Variants in TMEM132C observed in about 807,000 individuals in gnomAD.
TMEM132C encodes the protein transmembrane protein 132C, also known as protein phosphatase 1, regulatory subunit 152.
TMEM132C carries 29 observed loss-of-function variants against 61.4 expected under a neutral mutation model. The observed-to-expected ratio is 0.47, with a 90% CI of 0.35 to 0.64. The LOEUF is 0.64. TMEM132C is among the 30% of genes least tolerant of loss of function. TMEM132C has a pLI of 0.00. For missense variants in TMEM132C, 1,408 were observed against 1,476.9 expected, an observed-to-expected ratio of 0.95 and a Z score of 0.76; for synonymous variants, 656 against 633.1, an observed-to-expected ratio of 1.04 and a Z score of -0.54.
chr12:128,332,951 G>A (rs1354582819), intron 1 of TMEM132C, among the ~76,000 whole-genome samples: 2 of 152,224 alleles, frequency 1.3e-5, no homozygotes, highest in Non-Finnish European at 1.5e-5. Flanking sequence ...GAATTTTGGA[G>A]TCCAGGGCTA....
In TMEM132C at chr12:128,459,254, A is replaced by G. The variant is rs1221265894; in HGVS notation, c.974+43634A>G. ...ATTGAGAGCCCTGGATCACACAGTT[A>G]GTAAGGATCTAAGTTCCATGAATGT... On this transcript the variant is annotated intron_variant, in intron 2 of 8. Coordinates refer to ENST00000435159, the MANE Select transcript of TMEM132C (RefSeq NM_001136103.3). Among the ~76,000 whole-genome samples, 3 of 152,324 alleles carry G rather than the reference A, an allele frequency of 2.0e-5. No individual in the cohort carries two copies. In the South Asian group the frequency reaches 6.2e-4, roughly 32 times the overall value.
At chr12:128,354,075 C>T (rs1440562611) in intron 1 of TMEM132C, among the ~76,000 whole-genome samples, 2 of 152,142 alleles carry the variant, frequency 1.3e-5, no homozygotes, top group Non-Finnish European at 2.9e-5. Flanking sequence ...AGTCTCTTCA[C>T]CTCCAGGTTA....
chr12:128,272,233 T>TC (rs1174014065), intron 1 of TMEM132C, among the ~76,000 whole-genome samples: 2 of 152,166 alleles, frequency 1.3e-5, no homozygotes, highest in African/African-American at 2.4e-5. Context: ...TAGTTATTTG[T>TC]CTCTAGAGTT....
At chr12:128,305,609 A>G (rs1392654741) in intron 1 of TMEM132C, among the ~76,000 whole-genome samples, 2 of 151,608 alleles carry the variant, frequency 1.3e-5, no homozygotes, top group African/African-American at 2.4e-5. Flanking sequence ...AACAGTGGGC[A>G]TTAGATGACA....
chr12:128,704,592 G>T (rs774722115), intron 8 of TMEM132C, among the ~76,000 whole-genome samples: 1 of 152,190 alleles, frequency 6.6e-6, no homozygotes, highest in Non-Finnish European at 1.5e-5. Flanking sequence ...AAGAGGGGAG[G>T]TTCCTTTCTG....
At chr12:128,391,648 G>A (rs1330397272) in intron 1 of TMEM132C, among the ~76,000 whole-genome samples, 1 of 152,166 alleles carries the variant, frequency 6.6e-6, no homozygotes, top group Non-Finnish European at 1.5e-5. Context: ...ACCAGCCTTA[G>A]GAGGTAGGTA....
intron 1 of TMEM132C, among the ~76,000 whole-genome samples, chr12:128,303,950 A>G (rs1343292878): frequency 1.3e-5 from 2 of 152,124 alleles, no homozygotes; most frequent in Non-Finnish European, 2.9e-5. Flanking sequence ...AGGTCTTCCC[A>G]GTGAAGGCCA....
chr12:128,484,433 G>A (rs1255159555), intron 2 of TMEM132C, among the ~76,000 whole-genome samples: 1 of 152,108 alleles, frequency 6.6e-6, no homozygotes, highest in Non-Finnish European at 1.5e-5. Context: ...TCATAGGCAG[G>A]TACAATCTCT....
chr12:128,287,646 G>A (rs1369104672), intron 1 of TMEM132C, among the ~76,000 whole-genome samples: 1 of 152,104 alleles, frequency 6.6e-6, no homozygotes, highest in Non-Finnish European at 1.5e-5. Flanking sequence ...AATCACATTG[G>A]TCAAAGTAAA....
chr12:128,705,991 G>A lies in TMEM132C; in HGVS notation c.3023G>A (p.Ser1008Asn), dbSNP rs1954836956. 2.6e-6 allele frequency: 4 copies of A among 1,551,706 alleles called. No homozygotes were observed. The highest frequency in any genetic ancestry group is 3.5e-6 in the Non-Finnish European group (4 of 1,146,996). The change falls in exon 9 of 9, where the codon AGC becomes AAC. Residue 1008 changes from serine (S) to asparagine (N), a missense_variant. By Grantham distance (46) the Ser-to-Asn change is conservative. Transcript: ENST00000435159. ...IDRGPGACEESNHLLLNGGSH... is the reference protein window; with the variant it reads ...IDRGPGACEENNHLLLNGGSH... ...CGCGGACCGGGGGCCTGCGAGGAGA[G>A]CAACCATCTCCTGCTCAATGGTGGC...
At chr12:128,605,011 G>C (rs1400011953) in intron 3 of TMEM132C, among the ~76,000 whole-genome samples, 3 of 148,580 alleles carry the variant, frequency 2.0e-5, no homozygotes, top group Non-Finnish European at 4.4e-5. Context: ...TGGACACATA[G>C]ATAATAGATG....
intron 4 of TMEM132C, among the ~76,000 whole-genome samples, chr12:128,639,058 GTGATGATGATGATGGTGATATGA>G (rs1954128171): frequency 1.1e-5 from 1 of 91,304 alleles, no homozygotes; most frequent in Non-Finnish European, 2.5e-5. Context: ...AATGACAATG[GTGATGATGATGATGGTGATATGA>G]TGATGATGAT....
At chr12:128,472,736 C>T (rs1304473376) in intron 2 of TMEM132C, among the ~76,000 whole-genome samples, 3 of 152,170 alleles carry the variant, frequency 2.0e-5, no homozygotes, top group Admixed American at 6.5e-5. Flanking sequence ...GGGTCAGCTT[C>T]GGCCTGGATT....
At chr12:128,479,916 A>G (rs1476109189) in intron 2 of TMEM132C, among the ~76,000 whole-genome samples, 1 of 152,204 alleles carries the variant, frequency 6.6e-6, no homozygotes, top group Non-Finnish European at 1.5e-5. Flanking sequence ...CATAAAAATG[A>G]TTCCTTCAGT....
chr12:128,376,574 T>C (rs566598442), intron 1 of TMEM132C, among the ~76,000 whole-genome samples: 1 of 152,324 alleles, frequency 6.6e-6, no homozygotes, highest in South Asian at 2.1e-4. Context: ...GGTTTCAAGA[T>C]GTGGATGCCA....
At chr12:128,295,223 G>A (rs1367381644) in intron 1 of TMEM132C, among the ~76,000 whole-genome samples, 1 of 152,150 alleles carries the variant, frequency 6.6e-6, no homozygotes, top group African/African-American at 2.4e-5. Context: ...CCAGGCTGGA[G>A]TGCAGTGGCA....
In TMEM132C at chr12:128,415,621, G is replaced by T; in HGVS notation, c.974+1G>T. 6.6e-7 allele frequency: 1 copy of T among 1,519,922 alleles called. No individual in the cohort carries two copies. Among genetic ancestry groups the T allele is most frequent in the Non-Finnish European group, 8.9e-7 (1 of 1,128,194 alleles). 94.2% of individuals were successfully genotyped at this position (1,519,922 alleles called of 1,614,324 possible). A position where few individuals can be genotyped will look rare whatever the true frequency, so the allele number is the denominator to read the frequency against. On this transcript the variant is annotated splice_donor_variant, in intron 2 of 8. Coordinates refer to ENST00000435159, the MANE Select transcript of TMEM132C (RefSeq NM_001136103.3). LOFTEE classifies it high-confidence loss of function. This position sits in a 1 kb window ranked among gnomAD's most constrained non-coding sequence, Gnocchi z 5.8. Reference sequence around the variant, plus strand: ...CCTCTGTGGACCTCTTCATCTTGAGGTAGGTGCCCATGCTTGCCCCTGATC... The same window carrying T: ...CCTCTGTGGACCTCTTCATCTTGAGTTAGGTGCCCATGCTTGCCCCTGATC...
At chr12:128,385,465 C>T (rs1342561487) in intron 1 of TMEM132C, among the ~76,000 whole-genome samples, 2 of 152,050 alleles carry the variant, frequency 1.3e-5, no homozygotes, top group South Asian at 2.1e-4. Flanking sequence ...GTCAAGTCCT[C>T]GCACAGAGCC....
At chr12:128,286,701 C>G (rs992836145) in intron 1 of TMEM132C, among the ~76,000 whole-genome samples, 2 of 152,130 alleles carry the variant, frequency 1.3e-5, no homozygotes, top group Non-Finnish European at 2.9e-5. Context: ...AGAAGTGGCT[C>G]AGTTTGGGCA....
Sources: gnomAD v4.1 joint callset for allele counts (sites outside exome capture counted in the v4.1 genomes callset) on GRCh38, gnomAD v4.1.1 for gene constraint, Gnocchi (gnomAD v3.1) non-coding constraint, MANE v1.5 for transcripts, NCBI Gene and HGNC (gene_info 2026-07-23, HGNC 2026-07-21) for gene names.